HOMER2: variants seen among roughly 807,000 people sequenced by gnomAD.
HOMER2 encodes the protein homer protein homolog 2.
A neutral mutation model predicts 47.0 loss-of-function variants in HOMER2; 27 were observed. The observed-to-expected ratio is 0.57, with a 90% CI of 0.42 to 0.79. The LOEUF (loss-of-function observed/expected upper bound fraction) is 0.79, where lower values mean the gene tolerates loss of function less well. Among genes scored for constraint, HOMER2 ranks in the 30% least tolerant of loss-of-function variants. The pLI is 0.00. For missense variants in HOMER2, 443 were observed against 435.0 expected (o/e 1.02, Z -0.16); for synonymous variants, 161 against 163.8 (o/e 0.98, Z 0.13).
At chr15:82,848,093 C>G (rs2051278434), downstream of HOMER2, among the ~76,000 whole-genome samples, 1 of 152,194 alleles carries the variant, frequency 6.6e-6, no homozygotes, top group Non-Finnish European at 1.5e-5. Flanking sequence ...AGATGCCCAG[C>G]CTTCCCTTCC....
At position 82,882,881 on chromosome 15, in the gene HOMER2, CTTTTTT is replaced by C. The variant is rs757073475; in HGVS notation, c.163-7483_163-7478del. On this transcript the variant is annotated intron_variant, in intron 2 of 8. Coordinates refer to ENST00000450735, the MANE Select transcript of HOMER2 (RefSeq NM_004839.4). ...TGAGTCCATTCTACACCAGCCACTG[CTTTTTT>C]TTTTTTTTTTTTTTTTTTTATTATA... Among the ~76,000 whole-genome samples, 8 of 27,050 alleles carry C rather than the reference CTTTTTT, an allele frequency of 3.0e-4. 2 individuals are homozygous for C. Among genetic ancestry groups the C allele is most frequent in the East Asian group, 0.015 (2 of 136 alleles). The allele number at this position is 27,050 out of a possible 152,430, so 17.7% of individuals were successfully genotyped here. A position where few individuals can be genotyped will look rare whatever the true frequency, so the allele number is the denominator to read the frequency against.
At chr15:82,879,870 A>C (rs2052467042) in intron 2 of HOMER2, among the ~76,000 whole-genome samples, 1 of 152,272 alleles carries the variant, frequency 6.6e-6, no homozygotes, top group Non-Finnish European at 1.5e-5. Context: ...CACTACCAAC[A>C]GAATGGATAA....
Position 82,854,823 on chromosome 15 carries a change from G to A in HOMER2, c.495-23C>T, listed in dbSNP as rs761559608. 3 of 1,599,238 alleles carry A rather than the reference G, an allele frequency of 1.9e-6. No individual in the cohort carries two copies. In the African/African-American group the frequency reaches 4.0e-5, roughly 21 times the overall value. ...GCGCTGCAGGACAGGGACGGGCGGTGACGACGGGGTGGGTGCTGTCCCGTC... is the reference window on the plus strand; with the variant it reads ...GCGCTGCAGGACAGGGACGGGCGGTAACGACGGGGTGGGTGCTGTCCCGTC... On this transcript the variant is annotated intron_variant, in intron 5 of 8. Coordinates refer to ENST00000450735, the MANE Select transcript of HOMER2 (RefSeq NM_004839.4).
intron 1 of HOMER2, among the ~76,000 whole-genome samples, chr15:82,900,490 T>C (rs1356784833): frequency 6.6e-6 from 1 of 152,174 alleles, no homozygotes; most frequent in Non-Finnish European, 1.5e-5. Context: ...TGGAAAACTC[T>C]ATGTGAGGAC....
At chr15:82,899,900 T>C (rs2053054427) in intron 1 of HOMER2, among the ~76,000 whole-genome samples, 1 of 152,140 alleles carries the variant, frequency 6.6e-6, no homozygotes, top group Non-Finnish European at 1.5e-5. Context: ...TGGGCACCTG[T>C]AATCCCAGCT....
rs57135319 is a variant in HOMER2 at position 82,905,146 on chromosome 15, G to A, written c.6-12305C>T. ...ACAGAACGAAGAGTGCCTTTGATGC[G>A]TTCATTAGTAGACAGGACAGGGCTG... On this transcript the variant is annotated intron_variant, in intron 1 of 8. Transcript: ENST00000450735. Among the ~76,000 whole-genome samples, 443 of 152,198 alleles carry A rather than the reference G, an allele frequency of 2.9e-3. 2 individuals carry two copies. Among genetic ancestry groups the A allele is most frequent in the African/African-American group, 0.01 (426 of 41,532 alleles).
chr15:82,854,058 C>G (rs1371310829), intron 6 of HOMER2, among the ~76,000 whole-genome samples: 1 of 152,168 alleles, frequency 6.6e-6, no homozygotes, highest in Non-Finnish European at 1.5e-5. Flanking sequence ...GGGCTGACAC[C>G]TCCAGTTTAT....
exon 2 of HOMER2, chr15:82,843,438 G>A (rs538399566): frequency 1.1e-4 from 5 of 44,042 alleles, no homozygotes; most frequent in East Asian, 6.0e-4. Context: ...GGTGGACCCC[G>A]TCTCAAAAAA....
intron 2 of HOMER2, among the ~76,000 whole-genome samples, chr15:82,889,962 C>A (rs1225397277): frequency 6.6e-6 from 1 of 152,220 alleles, no homozygotes; most frequent in Non-Finnish European, 1.5e-5. Flanking sequence ...CTCCCCACTT[C>A]CTGGGGCCTT....
intron 1 of HOMER2, among the ~76,000 whole-genome samples, chr15:82,912,814 G>A (rs1439738175): frequency 2.6e-5 from 4 of 152,072 alleles, no homozygotes; most frequent in South Asian, 2.1e-4. Context: ...GACAGATACC[G>A]GGCACATCTC....
intron 1 of HOMER2, among the ~76,000 whole-genome samples, chr15:82,895,649 C>A (rs977543891): frequency 1.3e-5 from 2 of 152,214 alleles, no homozygotes; most frequent in Admixed American, 6.5e-5. Context: ...ACTAAATGGG[C>A]TGGGCTGGGG....
chr15:82,969,990 T>C (rs1185240078), intron 1 of HOMER2, among the ~76,000 whole-genome samples: 1 of 152,182 alleles, frequency 6.6e-6, no homozygotes, highest in Non-Finnish European at 1.5e-5. Flanking sequence ...AAAAGAGACC[T>C]AGGATATCTG....
At chr15:82,962,153 G>A (rs2054635690) in intron 1 of HOMER2, among the ~76,000 whole-genome samples, 1 of 151,516 alleles carries the variant, frequency 6.6e-6, no homozygotes. Context: ...GGCGGATCAC[G>A]AGGTCAGGAG....
intron 2 of HOMER2, among the ~76,000 whole-genome samples, chr15:82,876,176 T>A (rs2052344486): frequency 6.6e-6 from 1 of 152,182 alleles, no homozygotes; most frequent in African/African-American, 2.4e-5. Context: ...GATTTCCACT[T>A]GCCATTGGAT....
At chr15:82,950,660 T>C (rs1291794706) in intron 1 of HOMER2, among the ~76,000 whole-genome samples, 3 of 152,190 alleles carry the variant, frequency 2.0e-5, no homozygotes, top group South Asian at 2.1e-4. Flanking sequence ...CAGAGGTAGG[T>C]AGGAGTTACA....
chr15:82,855,563 G>A (rs150997900), intron 5 of HOMER2, among the ~76,000 whole-genome samples: 1 of 152,256 alleles, frequency 6.6e-6, no homozygotes, highest in East Asian at 1.9e-4. Context: ...GCTTGGCTCC[G>A]GGGAATAATG....
chr15:82,890,611 T>C (rs1014099155), intron 2 of HOMER2, among the ~76,000 whole-genome samples: 19 of 152,220 alleles, frequency 1.2e-4, no homozygotes, highest in African/African-American at 4.6e-4. Context: ...TGTCACAGCC[T>C]TCAGGAACTG....
At position 82,849,722 on chromosome 15, in the gene HOMER2, T is replaced by C. The variant is rs199617276; in HGVS notation, c.1025A>G (p.Asp342Gly). 9.0e-5 allele frequency: 145 copies of C among 1,612,926 alleles called. No homozygotes were observed. Among genetic ancestry groups the C allele is most frequent in the East Asian group, 2.2e-5 (1 of 44,850 alleles). The change falls in exon 9 of 9, where the codon GAT (aspartate) becomes GGT (glycine). Residue 342 changes from aspartate (D) to glycine (G), a missense_variant. Coordinates refer to ENST00000450735, the MANE Select transcript of HOMER2 (RefSeq NM_004839.4). ...CCTGGGCCTCGGCCAGCCCTAGTTA[T>C]CGGTGCCCAGCTTGGAGAGCCCTCG... ...FRRGLSKLGT[D>G]N is the part of the protein sequence containing the mutation.
chr15:82,852,125 G>C lies in HOMER2; in HGVS notation c.762+17C>G. The C allele has an allele frequency of 6.3e-7, 1 of 1,589,544 alleles. No homozygotes were observed. The highest frequency in any genetic ancestry group is 1.7e-4 in the Middle Eastern group (1 of 6,020). On this transcript the variant is annotated intron_variant, in intron 7 of 8. Transcript: ENST00000450735. ...AAGAGGACGCCAAGGGGCCCTGCTC[G>C]GAGCACCATTACTCACTGTCTCCTT...
Sources: allele counts gnomAD v4.1 joint callset (sites outside exome capture counted in the v4.1 genomes callset), GRCh38; gene constraint gnomAD v4.1.1; transcripts MANE v1.5; gene names NCBI Gene and HGNC (gene_info 2026-07-23, HGNC 2026-07-21).